PTPA: variants seen among roughly 807,000 people sequenced by gnomAD.
PTPA encodes the protein serine/threonine-protein phosphatase 2A activator.
In PTPA, 13 loss-of-function variants were observed where a neutral mutation model predicts 43.6. That is an observed-to-expected ratio of 0.30 (90% CI 0.19 to 0.47). The LOEUF (loss-of-function observed/expected upper bound fraction) is 0.47, where lower values mean the gene tolerates loss of function less well. PTPA is among the 20% of genes least tolerant of loss of function. PTPA has a pLI of 0.99. For synonymous variants in PTPA, 172 were observed against 158.2 expected, an observed-to-expected ratio of 1.09 and a Z score of -0.66; for missense variants, 329 against 411.9, an observed-to-expected ratio of 0.80 and a Z score of 1.74.
At position 129,147,764 on chromosome 9, in the gene PTPA, T is replaced by A; in HGVS notation, c.*300T>A. ...TCTCCTGTTTCTGGCCTCTTCTCCCTTCACTCCCGTCCAGTCTGGTTTTGA... is the reference window on the plus strand; with the variant it reads ...TCTCCTGTTTCTGGCCTCTTCTCCCATCACTCCCGTCCAGTCTGGTTTTGA... On this transcript the variant is annotated 3_prime_UTR_variant, in exon 10 of 10. Coordinates refer to ENST00000393370, the MANE Select transcript of PTPA (RefSeq NM_178000.3). 1 of 397,318 alleles carries A rather than the reference T, an allele frequency of 2.5e-6. No individual in the cohort carries two copies. The highest frequency in any genetic ancestry group is 2.4e-5 in the South Asian group (1 of 41,606). 24.6% of individuals were successfully genotyped at this position (397,318 alleles called of 1,614,324 possible). A position where few individuals can be genotyped will look rare whatever the true frequency, so the allele number is the denominator to read the frequency against.
At chr9:129,129,146 G>A in intron 4 of PTPA, 36 bp downstream of exon 4, 1 of 1,606,732 alleles carries the variant, frequency 6.2e-7, no homozygotes, top group Non-Finnish European at 8.5e-7. Flanking sequence ...GGACTGGGCT[G>A]GCAGTGAGGG....
rs575470618 is a variant in PTPA at position 129,142,212 on chromosome 9, G to T, written c.787-233G>T. ...CAAGGAATGTTATATTTTCCTAGCA[G>T]GCCTTGAGGGCCAAAGGGGAACCTT... On this transcript the variant is annotated intron_variant, in intron 8 of 9. Transcript: ENST00000393370. 15 of 431,092 alleles carry T rather than the reference G, an allele frequency of 3.5e-5. No homozygotes were observed. The East Asian group carries it at 3.5e-4, about 10-fold the overall frequency. 26.7% of individuals were successfully genotyped at this position (431,092 alleles called of 1,614,324 possible).
intron 1 of PTPA, among the ~76,000 whole-genome samples, chr9:129,114,896 A>G (rs1375962042): frequency 6.6e-6 from 1 of 152,184 alleles, no homozygotes; most frequent in Non-Finnish European, 1.5e-5. Flanking sequence ...GTAATTTGTT[A>G]TAGTGCTTCC....
chr9:129,137,979 C>G (rs185679446), intron 8 of PTPA: 4 of 434,040 alleles, frequency 9.2e-6, no homozygotes, highest in East Asian at 4.8e-5. Flanking sequence ...ACTGCTGCAG[C>G]AGGTCTGAAA....
At chr9:129,142,336 G>A (rs997975609) in intron 8 of PTPA, 109 bp from the exon 9 acceptor site, 10 of 854,918 alleles carry the variant, frequency 1.2e-5, no homozygotes, top group Non-Finnish European at 1.7e-5. Flanking sequence ...GTGCGTGTGC[G>A]TTTGTGTGTG....
In PTPA at chr9:129,111,576, C is replaced by A; in HGVS notation, c.-25C>A. 7.8e-7 allele frequency: 1 copy of A among 1,288,404 alleles called. No individual in the cohort carries two copies. Among genetic ancestry groups the A allele is most frequent in the South Asian group, 2.7e-5 (1 of 37,342 alleles). 79.8% of individuals were successfully genotyped at this position (1,288,404 alleles called of 1,614,324 possible). On this transcript the variant is annotated 5_prime_UTR_variant, in exon 1 of 10. Coordinates refer to ENST00000393370, the MANE Select transcript of PTPA (RefSeq NM_178000.3). ...AAGGCGAGAGGGGACTGCAAGCATC[C>A]GGGTCGGCTCCTGGCCGGAGCAAGA...
intron 8 of PTPA, chr9:129,140,139 G>C (rs1285426830): frequency 6.6e-6 from 1 of 152,520 alleles, no homozygotes; most frequent in Non-Finnish European, 1.5e-5. Context: ...GGAGAGGCAG[G>C]AACGCAGCGT....
At chr9:129,137,780 C>T in intron 8 of PTPA, 88 bp downstream of exon 8, 1 of 1,245,900 alleles carries the variant, frequency 8.0e-7, no homozygotes, top group Non-Finnish European at 1.2e-6. Flanking sequence ...ATCAGAAGAG[C>T]CAGAGCTGCT....
At chr9:129,145,166 A>G (rs1162911240) in intron 9 of PTPA, among the ~76,000 whole-genome samples, 1 of 152,140 alleles carries the variant, frequency 6.6e-6, no homozygotes. Context: ...CACTGTGTCT[A>G]CTAAAAATAC....
upstream of PTPA, chr9:129,111,023 G>A (rs145868232): frequency 2.9e-6 from 4 of 1,370,034 alleles, no homozygotes; most frequent in East Asian, 1.8e-4. Context: ...TGTCTTCTAA[G>A]CTGTTGGAGG....
At chr9:129,143,934 A>G (rs1224878690) in intron 9 of PTPA, among the ~76,000 whole-genome samples, 1 of 151,578 alleles carries the variant, frequency 6.6e-6, no homozygotes, top group Non-Finnish European at 1.5e-5. Context: ...GTGTCTGAGC[A>G]TGTGAGAGGT....
chr9:129,136,340 A>G lies in PTPA; in HGVS notation c.561-131A>G, dbSNP rs79098874. Reference sequence around the variant, plus strand: ...TGTTTGTTGGGGGAAATAAAGCTACATTATTGAAATTGAGACCAGTTAACA... The same window carrying G: ...TGTTTGTTGGGGGAAATAAAGCTACGTTATTGAAATTGAGACCAGTTAACA... On this transcript the variant is annotated intron_variant, in intron 6 of 9. Coordinates refer to ENST00000393370, the MANE Select transcript of PTPA (RefSeq NM_178000.3). 62 of 1,032,642 alleles carry G rather than the reference A, an allele frequency of 6.0e-5. No individual in the cohort carries two copies. The East Asian group carries it at 1.4e-3, about 23-fold the overall frequency. 64.0% of individuals were successfully genotyped at this position (1,032,642 alleles called of 1,614,324 possible).
chr9:129,134,759 G>A, intron 5 of PTPA, 36 bp from the exon 6 acceptor site: 1 of 1,528,728 alleles, frequency 6.5e-7, no homozygotes, highest in South Asian at 1.1e-5. Context: ...TCCTTTACCT[G>A]GACTACTGTC....
intron 4 of PTPA, among the ~76,000 whole-genome samples, chr9:129,130,826 A>T (rs919921968): frequency 6.6e-6 from 1 of 152,164 alleles, no homozygotes; most frequent in Non-Finnish European, 1.5e-5. Context: ...GCAATAGAAC[A>T]TTCTAGCTGG....
intron 9 of PTPA, among the ~76,000 whole-genome samples, chr9:129,144,484 A>G (rs988293344): frequency 2.0e-5 from 3 of 151,338 alleles, no homozygotes; most frequent in Non-Finnish European, 4.4e-5. Context: ...CACGCCTGTA[A>G]TCCCAGCACT....
rs200171889 is a variant in PTPA at position 129,137,656 on chromosome 9, C to G, written c.750C>G (p.Asp250Glu). ...AGGCCGTGAATGAGAACCACAAGGA[C>G]TACATGTTCCTGGAGTGTATCCTGT... ...DEKAVNENHK[D>E]YMFLECILFI... The change falls in exon 8 of 10, where the codon GAC (aspartate) becomes GAG (glutamate). Residue 250 changes from aspartate (D) to glutamate (E), a missense_variant. Coordinates refer to ENST00000393370, the MANE Select transcript of PTPA (RefSeq NM_178000.3). 2.3e-5 allele frequency: 37 copies of G among 1,612,114 alleles called. No individual in the cohort carries two copies. Among genetic ancestry groups the G allele is most frequent in the South Asian group, 2.1e-4 (19 of 90,566 alleles).
chr9:129,145,290 C>T (rs1851221759), intron 9 of PTPA, among the ~76,000 whole-genome samples: 1 of 151,618 alleles, frequency 6.6e-6, no homozygotes, highest in African/African-American at 2.4e-5. Flanking sequence ...GAGATCATGC[C>T]ACTGCACTCC....
intron 1 of PTPA, among the ~76,000 whole-genome samples, chr9:129,117,398 CT>C (rs970653202): frequency 4.6e-5 from 7 of 151,664 alleles, no homozygotes; most frequent in East Asian, 1.9e-4. Flanking sequence ...GTGGGCCTAT[CT>C]TTTTTTTCTC....
At chr9:129,115,825 A>C (rs780145701) in intron 1 of PTPA, among the ~76,000 whole-genome samples, 4 of 149,656 alleles carry the variant, frequency 2.7e-5, no homozygotes, top group Non-Finnish European at 3.0e-5. Flanking sequence ...TATTTTTAGT[A>C]GATATGGGGC....
Sources: gnomAD v4.1 joint callset for allele counts (sites outside exome capture counted in the v4.1 genomes callset) on GRCh38, gnomAD v4.1.1 for gene constraint, MANE v1.5 for transcripts, NCBI Gene and HGNC (gene_info 2026-07-23, HGNC 2026-07-21) for gene names.